RBFOX1: variants seen among roughly 807,000 people sequenced by gnomAD.
RBFOX1 encodes the protein RNA binding fox-1 homolog 1.
In RBFOX1, 8 loss-of-function variants were observed where a neutral mutation model predicts 57.7. The observed-to-expected ratio is 0.14, with a 90% CI of 0.08 to 0.25. RBFOX1 has a LOEUF of 0.25. Among genes scored for constraint, RBFOX1 ranks in the 10% least tolerant of loss-of-function variants. The pLI, the probability that RBFOX1 is intolerant of heterozygous loss-of-function variation, is 1.00. For missense variants in RBFOX1, 611 were observed against 548.5 expected (o/e 1.11, Z -1.14); for synonymous variants, 326 against 222.4 (o/e 1.47, Z -4.15).
At chr16:7,209,777 T>G (rs1051510094) in intron 4 of RBFOX1, among the ~76,000 whole-genome samples, 3 of 152,162 alleles carry the variant, frequency 2.0e-5, no homozygotes, top group African/African-American at 7.2e-5. Flanking sequence ...AGGGGCGTTC[T>G]GTTGTGTTCA....
intron 2 of RBFOX1, among the ~76,000 whole-genome samples, chr16:6,609,726 T>A (rs1340951554): frequency 2.0e-5 from 3 of 152,102 alleles, no homozygotes; most frequent in Non-Finnish European, 2.9e-5. Flanking sequence ...ACACTAGCAA[T>A]GGGTCAGGCA....
At chr16:6,446,252 C>T (rs1203124937) in intron 2 of RBFOX1, among the ~76,000 whole-genome samples, 1 of 152,192 alleles carries the variant, frequency 6.6e-6, no homozygotes, top group Non-Finnish European at 1.5e-5. Flanking sequence ...AGTCCTCCTG[C>T]TTAGCTTCCC....
intron 3 of RBFOX1, among the ~76,000 whole-genome samples, chr16:5,691,999 G>A (rs1195017634): frequency 2.3e-5 from 3 of 131,358 alleles, no homozygotes; most frequent in Non-Finnish European, 4.9e-5. Flanking sequence ...CTAAGAATGT[G>A]CACATTTGGT....
chr16:5,708,055 G>A (rs1227491692), intron 3 of RBFOX1, among the ~76,000 whole-genome samples: 1 of 152,126 alleles, frequency 6.6e-6, no homozygotes, highest in Non-Finnish European at 1.5e-5. Flanking sequence ...AATAAAAGAA[G>A]GAGGCTAGTT....
intron 3 of RBFOX1, among the ~76,000 whole-genome samples, chr16:6,750,801 A>G (rs1158964200): frequency 1.3e-5 from 2 of 152,220 alleles, no homozygotes; most frequent in Non-Finnish European, 2.9e-5. Flanking sequence ...TGAGAAAAAC[A>G]TAAATAGTTA....
intron 2 of RBFOX1, among the ~76,000 whole-genome samples, chr16:6,574,196 T>C (rs1264242521): frequency 6.6e-6 from 1 of 152,064 alleles, no homozygotes; most frequent in Non-Finnish European, 1.5e-5. Context: ...TCACTTAACT[T>C]CTCTAGTCCT....
intron 6 of RBFOX1, among the ~76,000 whole-genome samples, chr16:7,584,321 C>G (rs1602499009): frequency 6.6e-6 from 1 of 152,154 alleles, no homozygotes; most frequent in Non-Finnish European, 1.5e-5. Context: ...AAGATAGAGT[C>G]TCGCTCTGTC....
chr16:6,286,372 A>G (rs927216056), intron 1 of RBFOX1, among the ~76,000 whole-genome samples: 2 of 151,914 alleles, frequency 1.3e-5, no homozygotes, highest in Non-Finnish European at 2.9e-5. Flanking sequence ...GAACTTTTAA[A>G]ATCACAGATC....
At chr16:5,883,997 G>A (rs934533652) in intron 4 of RBFOX1, among the ~76,000 whole-genome samples, 1 of 152,168 alleles carries the variant, frequency 6.6e-6, no homozygotes, top group African/African-American at 2.4e-5. Context: ...CATTGACTTG[G>A]ATGTGATTTC....
intron 1 of RBFOX1, among the ~76,000 whole-genome samples, chr16:6,220,681 T>A (rs1166304662): frequency 5.3e-5 from 8 of 151,588 alleles, no homozygotes. Context: ...TTACTGTAGA[T>A]GTATTTTTCA....
At chr16:6,583,207 G>C (rs1180295558) in intron 2 of RBFOX1, among the ~76,000 whole-genome samples, 1 of 152,158 alleles carries the variant, frequency 6.6e-6, no homozygotes, top group Non-Finnish European at 1.5e-5. Context: ...GTTCTAATGG[G>C]TCCTAGCATA....
At chr16:6,277,782 G>A (rs1044650427) in intron 1 of RBFOX1, among the ~76,000 whole-genome samples, 2 of 152,220 alleles carry the variant, frequency 1.3e-5, no homozygotes, top group East Asian at 3.9e-4. Flanking sequence ...CAGAGAAGAG[G>A]GGTGGCAATG....
chr16:7,430,430 G>A (rs948520331), intron 4 of RBFOX1, among the ~76,000 whole-genome samples: 1 of 152,146 alleles, frequency 6.6e-6, no homozygotes, highest in African/African-American at 2.4e-5. Flanking sequence ...GGGAGGCTGA[G>A]GCAGGCAGAT....
At chr16:5,362,449 G>A (rs1374379094) in intron 1 of RBFOX1, among the ~76,000 whole-genome samples, 1 of 152,198 alleles carries the variant, frequency 6.6e-6, no homozygotes, top group Admixed American at 6.5e-5. Flanking sequence ...CGCAACCTCT[G>A]CCTCCTGGGT....
intron 1 of RBFOX1, among the ~76,000 whole-genome samples, chr16:5,466,434 C>T (rs1245253194): frequency 6.6e-6 from 1 of 152,054 alleles, no homozygotes; most frequent in Non-Finnish European, 1.5e-5. Context: ...TGGCTGATTT[C>T]AGAGCCTGGT....
intron 4 of RBFOX1, among the ~76,000 whole-genome samples, chr16:5,904,308 A>C (rs557887917): frequency 6.6e-6 from 1 of 152,120 alleles, no homozygotes; most frequent in Non-Finnish European, 1.5e-5. Context: ...AAGTCAGGCC[A>C]GCAGAATACA....
intron 3 of RBFOX1, among the ~76,000 whole-genome samples, chr16:6,990,662 A>G (rs750198757): frequency 2.0e-5 from 3 of 152,184 alleles, no homozygotes; most frequent in African/African-American, 4.8e-5. Flanking sequence ...ATTACTTTCA[A>G]AGGCAAAAGC....
intron 1 of RBFOX1, among the ~76,000 whole-genome samples, chr16:5,355,574 G>A (rs116229391): frequency 6.6e-6 from 1 of 152,096 alleles, no homozygotes; most frequent in Admixed American, 6.6e-5. Flanking sequence ...TTTATAGACA[G>A]AGACTTCTTC....
At chr16:5,799,889 TA>T (rs964867228) in intron 3 of RBFOX1, among the ~76,000 whole-genome samples, 6 of 152,038 alleles carry the variant, frequency 3.9e-5, no homozygotes, top group East Asian at 1.9e-4. Flanking sequence ...AAAATTAATT[TA>T]AAAAAAATAA....
Sources: allele counts gnomAD v4.1 joint callset (sites outside exome capture counted in the v4.1 genomes callset), GRCh38; gene constraint gnomAD v4.1.1; transcripts MANE v1.5; gene names NCBI Gene and HGNC (gene_info 2026-07-23, HGNC 2026-07-21).